The following DLGAP1 variants were observed in gnomAD, a reference collection of about 807,000 sequenced individuals.
The protein encoded by DLGAP1 is DLG associated protein 1, also known as disks large-associated protein 1.
A neutral mutation model predicts 90.8 loss-of-function variants in DLGAP1; 11 were observed. The observed-to-expected ratio is 0.12, with a 90% CI of 0.08 to 0.20. The LOEUF (loss-of-function observed/expected upper bound fraction) is 0.20. Ranked by LOEUF, DLGAP1 falls within the 10% of genes least tolerant of loss-of-function variation. The pLI is 1.00. For synonymous variants in DLGAP1, 558 were observed against 540.7 expected (o/e 1.03, Z -0.44); for missense variants, 1,050 against 1,333.8 (o/e 0.79, Z 3.31).
intron 4 of DLGAP1, among the ~76,000 whole-genome samples, chr18:3,838,831 A>T (rs1284581728): frequency 6.6e-6 from 1 of 152,214 alleles, no homozygotes; most frequent in African/African-American, 2.4e-5. Context: ...ACACCAGGCA[A>T]AAACCAAACT....
At chr18:4,100,969 C>T (rs940066852) in intron 2 of DLGAP1, among the ~76,000 whole-genome samples, 1 of 152,184 alleles carries the variant, frequency 6.6e-6, no homozygotes, top group African/African-American at 2.4e-5. Flanking sequence ...ATCTTCTACC[C>T]AGACCACTCG....
intron 1 of DLGAP1, among the ~76,000 whole-genome samples, chr18:4,438,128 C>G (rs1598421755): frequency 6.6e-6 from 1 of 152,096 alleles, no homozygotes; most frequent in Admixed American, 6.5e-5. Context: ...TATGTAACAC[C>G]TCCCATGGGG....
rs563229673 is a variant in DLGAP1, at chr18:3,945,666, A to G, written c.-73+59450T>C. On this transcript the variant is annotated intron_variant, in intron 3 of 12. Transcript: ENST00000315677. Reference sequence around the variant, plus strand: ...TTAAGAGTTAATATGCTCCCTTGGGAGATATACCTAATGCTAGATGATGAG... The same window carrying G: ...TTAAGAGTTAATATGCTCCCTTGGGGGATATACCTAATGCTAGATGATGAG... Among the ~76,000 whole-genome samples, 14 of 152,322 alleles carry G rather than the reference A, an allele frequency of 9.2e-5. No individual in the cohort carries two copies. The South Asian group carries it at 2.9e-3, about 32-fold the overall frequency.
At chr18:3,872,295 C>T (rs1249207908) in intron 4 of DLGAP1, among the ~76,000 whole-genome samples, 3 of 150,718 alleles carry the variant, frequency 2.0e-5, no homozygotes, top group Non-Finnish European at 4.4e-5. Flanking sequence ...AAATGTTATG[C>T]CTTTCTTTAC....
At chr18:4,418,416 AT>A (rs1450669252) in intron 1 of DLGAP1, among the ~76,000 whole-genome samples, 2 of 152,218 alleles carry the variant, frequency 1.3e-5, no homozygotes, top group Non-Finnish European at 2.9e-5. Flanking sequence ...CTGATAAGGA[AT>A]TTAAAATAAC....
intron 4 of DLGAP1, among the ~76,000 whole-genome samples, chr18:3,829,202 A>C (rs2067895909): frequency 6.6e-6 from 1 of 152,242 alleles, no homozygotes; most frequent in Non-Finnish European, 1.5e-5. Flanking sequence ...TCAGGTTTTC[A>C]AACATAAAGT....
intron 1 of DLGAP1, among the ~76,000 whole-genome samples, chr18:4,389,240 A>C (rs1227109834): frequency 6.6e-6 from 1 of 152,208 alleles, no homozygotes; most frequent in Non-Finnish European, 1.5e-5. Flanking sequence ...ACATTATACT[A>C]AGTAAAATAA....
chr18:4,177,873 G>A (rs1159334995), intron 1 of DLGAP1, among the ~76,000 whole-genome samples: 2 of 152,070 alleles, frequency 1.3e-5, no homozygotes, highest in South Asian at 2.1e-4. Context: ...TACCATTGAT[G>A]AGCATTTAGG....
intron 11 of DLGAP1, among the ~76,000 whole-genome samples, chr18:3,504,122 T>G (rs576650414): frequency 2.0e-5 from 3 of 152,056 alleles, no homozygotes; most frequent in African/African-American, 4.8e-5. Flanking sequence ...AACAGATAGA[T>G]AGATAGATAT....
rs141530889 is a variant in DLGAP1, at chr18:4,281,405, T to A, written c.-266-130118A>T. ...GTCTGTACTAAAAAAATACAAAAAC[T>A]TAGCTGGGCATGGTGGTGGGAGTCT... On this transcript the variant is annotated intron_variant, in intron 1 of 12. Transcript: ENST00000315677. Among the ~76,000 whole-genome samples the A allele has an allele frequency of 2.2e-3, 340 of 152,146 alleles. 2 individuals carry two copies. Among genetic ancestry groups the A allele is most frequent in the African/African-American group, 7.6e-3 (316 of 41,510 alleles).
At chr18:4,242,313 T>C (rs2078554771) in intron 1 of DLGAP1, among the ~76,000 whole-genome samples, 1 of 152,124 alleles carries the variant, frequency 6.6e-6, no homozygotes, top group Non-Finnish European at 1.5e-5. Flanking sequence ...TTTAATCCAC[T>C]GGAATTAATT....
chr18:3,871,352 C>G (rs1242131577), intron 4 of DLGAP1, among the ~76,000 whole-genome samples: 1 of 152,154 alleles, frequency 6.6e-6, no homozygotes, highest in African/African-American at 2.4e-5. Context: ...AGATGACCTT[C>G]TGATCAGGAG....
At chr18:3,674,442 G>A (rs2060221651) in intron 7 of DLGAP1, among the ~76,000 whole-genome samples, 1 of 151,330 alleles carries the variant, frequency 6.6e-6, no homozygotes, top group Non-Finnish European at 1.5e-5. Flanking sequence ...AACAAAATGA[G>A]CTCCTATCTC....
rs1469622904 is a variant in DLGAP1 at position 4,169,825 on chromosome 18, A to G, written c.-266-18538T>C. The stretch of plus-strand genomic sequence containing the variant: ...TTGTAAAGTAGTGACTTAACCCTTT[A>G]TAAGACTCAGTTGTCTCAGGTAAAG... On this transcript the variant is annotated intron_variant, in intron 1 of 12. Coordinates refer to ENST00000315677, the MANE Select transcript of DLGAP1 (RefSeq NM_004746.4). 4.6e-5 allele frequency among the ~76,000 whole-genome samples: 7 copies of G among 152,352 alleles called. No individual in the cohort carries two copies. In the Middle Eastern group the frequency reaches 0.01, roughly 222 times the overall value.
intron 3 of DLGAP1, among the ~76,000 whole-genome samples, chr18:3,955,732 A>G (rs563562893): frequency 6.6e-6 from 1 of 152,164 alleles, no homozygotes; most frequent in Admixed American, 6.5e-5. Context: ...AAAAAAAGTT[A>G]GGTAGAGACA....
intron 2 of DLGAP1, among the ~76,000 whole-genome samples, chr18:4,090,635 C>G (rs1342340066): frequency 6.6e-6 from 1 of 152,184 alleles, no homozygotes; most frequent in Non-Finnish European, 1.5e-5. Context: ...AACGCTTTTA[C>G]ACCACTGGTG....
At chr18:3,909,607 ACTCTTTCTCTCTTT>A (rs1479613379) in intron 3 of DLGAP1, among the ~76,000 whole-genome samples, 1 of 152,072 alleles carries the variant, frequency 6.6e-6, no homozygotes. Context: ...TAAAATAAAA[ACTCTTTCTCTCTTT>A]CTCTTTCTCT....
intron 7 of DLGAP1, among the ~76,000 whole-genome samples, chr18:3,683,560 G>A (rs34186611): frequency 0.16 from 23,605 of 152,138 alleles, 2,266 homozygotes; most frequent in East Asian, 0.43. Context: ...AAAAACCAAG[G>A]ATGAAATAAT....
intron 8 of DLGAP1, among the ~76,000 whole-genome samples, chr18:3,581,471 C>T (rs531401545): frequency 6.6e-5 from 10 of 151,890 alleles, no homozygotes; most frequent in Admixed American, 5.2e-4. Flanking sequence ...CTTGAGAAGG[C>T]GCTGTGGGTG....
Sources: allele counts gnomAD v4.1 joint callset (sites outside exome capture counted in the v4.1 genomes callset), GRCh38; gene constraint gnomAD v4.1.1; transcripts MANE v1.5; gene names NCBI Gene and HGNC (gene_info 2026-07-23, HGNC 2026-07-21).